The following NFATC1 variants were observed in gnomAD, a reference collection of about 807,000 sequenced individuals.
NFATC1 encodes the protein nuclear factor of activated T-cells, cytoplasmic 1.
In NFATC1, 22 loss-of-function variants were observed where a neutral mutation model predicts 76.0. The ratio of observed to expected loss-of-function variants is 0.29; its 90% CI spans 0.21 to 0.41. The LOEUF is 0.41. Among genes scored for constraint, NFATC1 ranks in the 10% least tolerant of loss-of-function variants. The probability of loss-of-function intolerance (pLI) is 1.00; values close to 1 mark genes in which losing one functional copy is unlikely to be tolerated. For missense variants in NFATC1, 1,357 were observed against 1,337.7 expected (o/e 1.01, Z -0.23); for synonymous variants, 704 against 613.1 (o/e 1.15, Z -2.19).
intron 1 of NFATC1, among the ~76,000 whole-genome samples, chr18:79,409,340 C>CCATT (rs370345452): frequency 4.6e-4 from 59 of 127,852 alleles, no homozygotes; most frequent in African/African-American, 1.4e-3. Flanking sequence ...ATTCATCCAT[C>CCATT]CATCCATCCA....
At position 79,469,934 on chromosome 18, in the gene NFATC1, G is replaced by A. The variant is rs114296371; in HGVS notation, c.2092+2352G>A. On this transcript the variant is annotated intron_variant, in intron 8 of 9. Coordinates refer to ENST00000427363, the MANE Select transcript of NFATC1 (RefSeq NM_001278669.2). ...CAGAGCCCCCAGGCTGCCGCAGGGC[G>A]AGATCCCCAGTGTTGACGCTGGGCC... is the stretch of plus-strand genomic sequence containing the variant. 2,982 of 985,532 alleles carry A rather than the reference G, an allele frequency of 3.0e-3. 76 individuals are homozygous for A. In the African/African-American group the frequency reaches 0.049, roughly 16 times the overall value. The allele number at this position is 985,532 out of a possible 1,614,324, so 61.0% of individuals were successfully genotyped here.
intron 9 of NFATC1, among the ~76,000 whole-genome samples, chr18:79,507,730 C>T (rs946955044): frequency 2.6e-5 from 4 of 152,268 alleles, no homozygotes; most frequent in African/African-American, 7.2e-5. Context: ...AGAAGCCTCA[C>T]GAGTCAGTAA....
At chr18:79,424,761 TTC>T (rs770470491) in intron 2 of NFATC1, among the ~76,000 whole-genome samples, 108 of 139,094 alleles carry the variant, frequency 7.8e-4, no homozygotes, top group Non-Finnish European at 1.5e-3. Flanking sequence ...CTGTCTCTGT[TTC>T]TCTGTCTCTC....
chr18:79,515,371 G>C (rs1042708311), intron 9 of NFATC1, among the ~76,000 whole-genome samples: 4 of 150,414 alleles, frequency 2.7e-5, no homozygotes, highest in South Asian at 4.2e-4. Flanking sequence ...AGGAAGGCAA[G>C]TTTCCCATCC....
chr18:79,431,398 C>A (rs941661127), intron 2 of NFATC1, among the ~76,000 whole-genome samples: 2 of 152,164 alleles, frequency 1.3e-5, no homozygotes, highest in African/African-American at 4.8e-5. Context: ...GCCCTGTCGC[C>A]CAGGCTGAAG....
intron 2 of NFATC1, among the ~76,000 whole-genome samples, chr18:79,416,141 C>T (rs1262115241): frequency 6.6e-6 from 1 of 152,240 alleles, no homozygotes; most frequent in Non-Finnish European, 1.5e-5. Flanking sequence ...ATATCGGTCA[C>T]TTTTCTGCTA....
chr18:79,418,692 T>C (rs1449679800), intron 2 of NFATC1, among the ~76,000 whole-genome samples: 1 of 152,244 alleles, frequency 6.6e-6, no homozygotes, highest in Admixed American at 6.5e-5. Context: ...ACCCTGGTCT[T>C]GGCTCATTTG....
chr18:79,508,235 C>G (rs888907334), intron 9 of NFATC1, among the ~76,000 whole-genome samples: 1 of 145,002 alleles, frequency 6.9e-6, no homozygotes, highest in Non-Finnish European at 1.6e-5. Context: ...GAGGGAGGGA[C>G]GGACGGACGG....
At chr18:79,400,263 G>GGGGGC (rs1184203275) in intron 1 of NFATC1, 167 of 1,169,700 alleles carry the variant, frequency 1.4e-4, no homozygotes, top group South Asian at 2.1e-4. Flanking sequence ...CCCGGGGGGC[G>GGGGGC]GGGGCGGGGC....
chr18:79,415,214 G>A (rs540879621), intron 2 of NFATC1, among the ~76,000 whole-genome samples: 33 of 152,310 alleles, frequency 2.2e-4, no homozygotes, highest in African/African-American at 7.7e-4. Context: ...TTGGAAAGGC[G>A]GAGGTATTTT....
intron 9 of NFATC1, among the ~76,000 whole-genome samples, chr18:79,491,060 A>G (rs1348142503): frequency 6.6e-6 from 1 of 151,710 alleles, no homozygotes; most frequent in African/African-American, 2.4e-5. Flanking sequence ...AACAAGCTCC[A>G]TGGAAATGCG....
intron 1 of NFATC1, among the ~76,000 whole-genome samples, chr18:79,401,192 C>T (rs1166648426): frequency 1.3e-5 from 2 of 151,498 alleles, no homozygotes; most frequent in African/African-American, 4.9e-5. Context: ...CTCTTCTGTC[C>T]AGGTCACCCC....
rs1486508613 is a variant in NFATC1 at position 79,465,409 on chromosome 18, G to T, written c.1960-2041G>T. Among the ~76,000 whole-genome samples the T allele has an allele frequency of 6.6e-6, 1 of 152,042 alleles. No individual in the cohort carries two copies. The highest frequency in any genetic ancestry group is 1.5e-5 in the Non-Finnish European group (1 of 68,008). ...CTCCACCCATCCAGCCTGCCTCACGGGGTCCCCGCCTCCACCCAGTCTGGC... is the reference window on the plus strand; with the variant it reads ...CTCCACCCATCCAGCCTGCCTCACGTGGTCCCCGCCTCCACCCAGTCTGGC... On this transcript the variant is annotated intron_variant, in intron 7 of 9. Transcript: ENST00000427363. This position sits in a 1 kb window ranked among gnomAD's most constrained non-coding sequence, Gnocchi z 4.2.
At chr18:79,473,612 TCACA>T (rs1327080357) in intron 8 of NFATC1, among the ~76,000 whole-genome samples, 20 of 143,232 alleles carry the variant, frequency 1.4e-4, no homozygotes, top group South Asian at 2.2e-4. Context: ...AAGCGTGTTC[TCACA>T]CTCACTGTTG....
intron 8 of NFATC1, chr18:79,467,901 C>T: frequency 1.7e-6 from 2 of 1,167,770 alleles, no homozygotes; most frequent in Non-Finnish European, 2.1e-6. Context: ...TGAGGGGGTC[C>T]TGGTGTGCAT....
rs2085615127 is a variant in NFATC1 at position 79,410,230 on chromosome 18, A to G, written c.128-173A>G. 4 of 1,060,046 alleles carry G rather than the reference A, an allele frequency of 3.8e-6. No individual in the cohort carries two copies. The South Asian group carries it at 4.3e-5, about 11-fold the overall frequency. The allele number at this position is 1,060,046 out of a possible 1,614,324, so 65.7% of individuals were successfully genotyped here. A position where few individuals can be genotyped will look rare whatever the true frequency, so the allele number is the denominator to read the frequency against. On this transcript the variant is annotated intron_variant, in intron 1 of 9. Transcript: ENST00000427363. The surrounding 1 kb of genome is among the most constrained non-coding windows in gnomAD (Gnocchi z 6.7). ...TTGGCCAGGTGGGACTGGGGCTGTC[A>G]CTCCAAGTCGCCCGGAGCTGTCCGG...
chr18:79,519,905 C>T (rs1404944668), intron 9 of NFATC1, among the ~76,000 whole-genome samples: 1 of 152,216 alleles, frequency 6.6e-6, no homozygotes, highest in Non-Finnish European at 1.5e-5. Context: ...CTCGCTGTCG[C>T]TCCTTTGCTG....
chr18:79,430,264 G>T (rs183979049), intron 2 of NFATC1, among the ~76,000 whole-genome samples: 10 of 152,310 alleles, frequency 6.6e-5, no homozygotes, highest in Admixed American at 6.5e-4. Context: ...GACCAGCGGT[G>T]GGGGGAGGCG....
At chr18:79,441,218 C>T (rs917389674) in intron 3 of NFATC1, among the ~76,000 whole-genome samples, 9 of 152,196 alleles carry the variant, frequency 5.9e-5, no homozygotes, top group African/African-American at 1.9e-4. Context: ...TGTGGCGCTG[C>T]AGGGTGCGGG....
Sources: allele counts gnomAD v4.1 joint callset (sites outside exome capture counted in the v4.1 genomes callset), GRCh38; gene constraint gnomAD v4.1.1; non-coding constraint Gnocchi (gnomAD v3.1); transcripts MANE v1.5; gene names NCBI Gene and HGNC (gene_info 2026-07-23, HGNC 2026-07-21).